Variants in ABCA13 observed in about 807,000 individuals in gnomAD.
ABCA13 encodes the protein ATP-binding cassette sub-family A member 13.
Under a neutral mutation model 478.7 loss-of-function variants are expected in ABCA13, and 476 were observed. That is an observed-to-expected ratio of 0.99 (90% confidence interval 0.92 to 1.07). The LOEUF (loss-of-function observed/expected upper bound fraction) is 1.07, where lower values mean the gene tolerates loss of function less well. Ranked by LOEUF, ABCA13 falls within the 50% of genes least tolerant of loss-of-function variation. The probability of loss-of-function intolerance (pLI) is 0.00; values close to 1 mark genes in which losing one functional copy is unlikely to be tolerated. For missense variants in ABCA13, 6,060 were observed against 5,910.6 expected, an observed-to-expected ratio of 1.03 and a Z score of -0.83; for synonymous variants, 2,252 against 2,158.9, an observed-to-expected ratio of 1.04 and a Z score of -1.20.
rs1007426983 is a variant in ABCA13 at position 48,546,925 on chromosome 7, G to A, written c.14354+18580G>A. 3.2e-4 allele frequency among the ~76,000 whole-genome samples: 48 copies of A among 151,670 alleles called. 1 individual carries two copies. The highest frequency in any genetic ancestry group is 1.1e-3 in the African/African-American group (45 of 41,438). On this transcript the variant is annotated intron_variant, in intron 55 of 61. Transcript: ENST00000435803. The stretch of plus-strand genomic sequence containing the variant: ...GTTTGAATCATAACCTCACCAACTA[G>A]CAACTAGTTGACAATTTAATTTTCT...
In ABCA13 at chr7:48,244,571, C is replaced by G. The variant is rs186683711; in HGVS notation, c.1263-5C>G. The G allele has an allele frequency of 7.6e-3, 12,174 of 1,610,940 alleles. 64 individuals are homozygous for G. Among genetic ancestry groups the G allele is most frequent in the Non-Finnish European group, 8.4e-3 (9,895 of 1,178,554 alleles). ...TTTATTTCATTTATTTATTTTTGCC[C>G]TCAGATTACAGCATCTGTGGAAATT... On this transcript the variant is annotated splice_region_variant and splice_polypyrimidine_tract_variant and intron_variant, in intron 10 of 61. Coordinates refer to ENST00000435803, the MANE Select transcript of ABCA13 (RefSeq NM_152701.5).
rs1563021715 is a variant in ABCA13 at position 48,310,123 on chromosome 7, GC to G, written c.9499del (p.Arg3167GlufsTer8). On this transcript the variant is annotated frameshift_variant, in exon 24 of 62. Coordinates refer to ENST00000435803, the MANE Select transcript of ABCA13 (RefSeq NM_152701.5). LOFTEE classifies it high-confidence loss of function. Reference sequence around the variant, plus strand: ...TGTTGCTGAGTCGAAACTTGGATGTGCGAGCTTTCATTTACAAGGTATGGAG... The same window carrying G: ...TGTTGCTGAGTCGAAACTTGGATGTGGAGCTTTCATTTACAAGGTATGGAG... ...IVLLSRNLDVRAFIYKTLMPS... is the reference protein window; with the variant it reads ...IVLLSRNLDVXAFIYKTLMPS... The G allele has an allele frequency of 6.2e-7, 1 of 1,610,978 alleles. No individual in the cohort carries two copies.
intron 28 of ABCA13, among the ~76,000 whole-genome samples, chr7:48,337,594 G>A (rs1425849772): frequency 6.6e-6 from 1 of 152,204 alleles, no homozygotes; most frequent in Admixed American, 6.5e-5. Context: ...AATCTGGATA[G>A]TGTACAAATA....
At chr7:48,312,979 C>T in intron 24 of ABCA13, 88 bp from the exon 25 acceptor site, 1 of 1,348,182 alleles carries the variant, frequency 7.4e-7, no homozygotes. Context: ...ATCAGATAAA[C>T]AAGTTTTCAC....
intron 6 of ABCA13, among the ~76,000 whole-genome samples, chr7:48,228,424 C>T (rs985733550): frequency 2.0e-5 from 3 of 152,170 alleles, no homozygotes; most frequent in African/African-American, 7.2e-5. Flanking sequence ...TAACACTGGA[C>T]TGTGGCTCCT....
At chr7:48,360,060 C>T (rs948894740) in intron 31 of ABCA13, among the ~76,000 whole-genome samples, 2 of 151,812 alleles carry the variant, frequency 1.3e-5, no homozygotes, top group African/African-American at 2.4e-5. Context: ...TTTTATTATA[C>T]TTTAGGTTCC....
In ABCA13 at chr7:48,276,111, G is replaced by T; in HGVS notation, c.6445G>T (p.Val2149Leu). Residue 2149 changes from valine to leucine, a missense_variant, in exon 17 of 62, where the codon GTG (valine) becomes TTG (leucine). Physicochemically the swap from Val to Leu is conservative, Grantham distance 32. Around this residue, in one of 3 missense-constraint regions of ABCA13, gnomAD observed 4,423 missense variants for 4,309.1 expected, o/e 1.03. Coordinates refer to ENST00000435803, the MANE Select transcript of ABCA13 (RefSeq NM_152701.5). The stretch of plus-strand genomic sequence containing the variant: ...AATGATAGAAACATTATTCATTCCT[G>T]TGACCAATGAGAGTTCAACTGAAGA... ...SRMIETLFIP[V>L]TNESSTEDIA... 6.3e-7 allele frequency: 1 copy of T among 1,598,802 alleles called. No homozygotes were observed. Among genetic ancestry groups the T allele is most frequent in the East Asian group, 2.2e-5 (1 of 44,558 alleles).
intron 31 of ABCA13, among the ~76,000 whole-genome samples, chr7:48,359,329 G>C (rs992067342): frequency 6.6e-6 from 1 of 151,884 alleles, no homozygotes; most frequent in Non-Finnish European, 1.5e-5. Flanking sequence ...AGGAACACTA[G>C]AGTCTTAAAT....
At chr7:48,186,246 T>C (rs1365705945) in intron 1 of ABCA13, among the ~76,000 whole-genome samples, 1 of 151,710 alleles carries the variant, frequency 6.6e-6, no homozygotes, top group Non-Finnish European at 1.5e-5. Context: ...AGGTCTGTTG[T>C]TGGATAACTT....
chr7:48,626,015 A>G (rs1793628953), intron 59 of ABCA13, among the ~76,000 whole-genome samples: 1 of 152,216 alleles, frequency 6.6e-6, no homozygotes, highest in Non-Finnish European at 1.5e-5. Context: ...ATAACAATGA[A>G]TACAACACAA....
chr7:48,389,310 CT>C (rs34452602), intron 37 of ABCA13, 90 bp downstream of exon 37: 6 of 1,428,486 alleles, frequency 4.2e-6, no homozygotes, highest in Admixed American at 2.6e-5. Flanking sequence ...ATTTCTTTTC[CT>C]TTTTTTAAAA....
Position 48,275,418 on chromosome 7 carries a change from C to T in ABCA13, c.5752C>T (p.Gln1918Ter), listed in dbSNP as rs529781391. ...TAACATTTCTCTTGTGAAAACTGTG[C>T]AGAAATTTTGGCATAAGATATTACC... Reference protein sequence around the residue: ...HVNISLVKTVQKFWHKILPFV... With the variant: ...HVNISLVKTV The change falls in exon 17 of 62, where the codon CAG becomes TAG. Residue 1918 changes from glutamine (Q) to a stop codon, truncating the protein, a stop_gained. Transcript: ENST00000435803. LOFTEE classifies it high-confidence loss of function. 9.9e-6 allele frequency: 16 copies of T among 1,613,814 alleles called. No individual in the cohort carries two copies. Among genetic ancestry groups the T allele is most frequent in the Middle Eastern group, 3.3e-4 (2 of 6,062 alleles).
At chr7:48,440,635 A>T (rs1227673473) in intron 42 of ABCA13, among the ~76,000 whole-genome samples, 1 of 152,030 alleles carries the variant, frequency 6.6e-6, no homozygotes, top group African/African-American at 2.4e-5. Flanking sequence ...TGAAACTATG[A>T]TTATTAGGTT....
chr7:48,277,398 C>CA (rs1375386751), intron 17 of ABCA13, among the ~76,000 whole-genome samples: 2 of 152,202 alleles, frequency 1.3e-5, no homozygotes, highest in Non-Finnish European at 2.9e-5. Flanking sequence ...TGCCCTCTTT[C>CA]AGAGTTTTCC....
At chr7:48,420,542 A>G (rs1386562065) in intron 41 of ABCA13, among the ~76,000 whole-genome samples, 1 of 152,150 alleles carries the variant, frequency 6.6e-6, no homozygotes, top group East Asian at 1.9e-4. Context: ...AATGTTTTAG[A>G]AATGCTGGTG....
rs774540432 is a variant in ABCA13, at chr7:48,275,070, A to G, written c.5404A>G (p.Ile1802Val). Residue 1802 changes from isoleucine (I) to valine (V), a missense_variant, in exon 17 of 62, where the codon ATT becomes GTT. Around this residue, in one of 3 missense-constraint regions of ABCA13, gnomAD observed 4,423 missense variants for 4,309.1 expected, o/e 1.03. Coordinates refer to ENST00000435803, the MANE Select transcript of ABCA13 (RefSeq NM_152701.5). ...TGTGATAAAAATTCTTTTGGATACA[A>G]TTGAATTAGTATCAGATAAGCCAGA... ...AIVIKILLDT[I>V]ELVSDKPDII... 4 of 1,613,442 alleles carry G rather than the reference A, an allele frequency of 2.5e-6. No individual in the cohort carries two copies. The highest frequency in any genetic ancestry group is 1.7e-5 in the Admixed American group (1 of 59,886).
At chr7:48,640,879 A>G (rs1215716279) in intron 59 of ABCA13, among the ~76,000 whole-genome samples, 1 of 152,184 alleles carries the variant, frequency 6.6e-6, no homozygotes, top group African/African-American at 2.4e-5. Flanking sequence ...TGTTCTAGAG[A>G]GATCCTGAGT....
At chr7:48,629,106 A>G (rs991505299) in intron 59 of ABCA13, among the ~76,000 whole-genome samples, 3 of 152,170 alleles carry the variant, frequency 2.0e-5, no homozygotes, top group South Asian at 4.1e-4. Flanking sequence ...TGGCATCTCC[A>G]CTAACAGAAA....
At chr7:48,171,871 A>G (rs561107123) in intron 1 of ABCA13, among the ~76,000 whole-genome samples, 1 of 152,360 alleles carries the variant, frequency 6.6e-6, no homozygotes, top group South Asian at 2.1e-4. Flanking sequence ...TAAAAACTGA[A>G]CAGTGAATTC....
Sources: gnomAD v4.1 joint callset for allele counts (sites outside exome capture counted in the v4.1 genomes callset) on GRCh38, gnomAD v4.1.1 for gene constraint, gnomAD v4.1.1 regional missense constraint, MANE v1.5 for transcripts, NCBI Gene and HGNC (gene_info 2026-07-23, HGNC 2026-07-21) for gene names.